Variants in UPP2 observed in about 807,000 individuals in gnomAD.
UPP2 encodes uridine phosphorylase 2, also known as UPase 2.
In UPP2, 23 loss-of-function variants were observed where a neutral mutation model predicts 26.7. The ratio of observed to expected loss-of-function variants is 0.86; its 90% confidence interval spans 0.62 to 1.22. The LOEUF is 1.22. Ranked by LOEUF, UPP2 falls within the 50% of genes most tolerant of loss-of-function variation. The pLI is 0.00. For missense variants in UPP2, 387 were observed against 396.7 expected, an observed-to-expected ratio of 0.98 and a Z score of 0.21; for synonymous variants, 127 against 141.3, an observed-to-expected ratio of 0.90 and a Z score of 0.72.
At chr2:158,099,264 T>C (rs747724891), upstream of UPP2, among the ~76,000 whole-genome samples, 1 of 152,154 alleles carries the variant, frequency 6.6e-6, no homozygotes, top group Non-Finnish European at 1.5e-5. Context: ...ATTGAATGAA[T>C]AAATGAAAAT....
At chr2:158,014,330 AC>A (rs909175174) in intron 2 of UPP2, among the ~76,000 whole-genome samples, 7 of 152,076 alleles carry the variant, frequency 4.6e-5, no homozygotes, top group African/African-American at 1.7e-4. Flanking sequence ...TCCTAGAACA[AC>A]CCCAGCTCGC....
intron 2 of UPP2, among the ~76,000 whole-genome samples, chr2:158,109,835 A>G (rs1365900838): frequency 2.0e-5 from 3 of 152,224 alleles, no homozygotes; most frequent in African/African-American, 7.2e-5. Flanking sequence ...TTCAAATTTA[A>G]TGGACATTTA....
chr2:158,032,862 G>A (rs1034253690), intron 3 of UPP2, among the ~76,000 whole-genome samples: 1 of 152,132 alleles, frequency 6.6e-6, no homozygotes, highest in Non-Finnish European at 1.5e-5. Context: ...GTTTCTTTGT[G>A]CAGGGACACA....
At chr2:158,069,256 C>G (rs529490121) in intron 3 of UPP2, among the ~76,000 whole-genome samples, 2 of 152,146 alleles carry the variant, frequency 1.3e-5, no homozygotes, top group African/African-American at 4.8e-5. Context: ...CCCATGAGAT[C>G]CAAAGTCATC....
intron 3 of UPP2, among the ~76,000 whole-genome samples, chr2:158,048,431 C>G (rs12474160): frequency 6.6e-6 from 1 of 152,138 alleles, no homozygotes; most frequent in African/African-American, 2.4e-5. Flanking sequence ...AATAGTGACA[C>G]CCCATCTCTA....
At chr2:158,029,878 T>G (rs1468756550) in intron 3 of UPP2, among the ~76,000 whole-genome samples, 5 of 152,084 alleles carry the variant, frequency 3.3e-5, no homozygotes, top group Admixed American at 1.3e-4. Flanking sequence ...TACAGTTTTA[T>G]AGAGAACATC....
At chr2:158,027,648 G>A (rs569794363) in intron 3 of UPP2, among the ~76,000 whole-genome samples, 28 of 152,218 alleles carry the variant, frequency 1.8e-4, no homozygotes, top group East Asian at 3.9e-4. Flanking sequence ...TCCACTAGAC[G>A]GTACCCCAGT....
At chr2:158,038,791 G>T (rs576462117) in intron 3 of UPP2, among the ~76,000 whole-genome samples, 1 of 152,300 alleles carries the variant, frequency 6.6e-6, no homozygotes, top group Admixed American at 6.5e-5. Flanking sequence ...TTTCTATAAA[G>T]ATGGCAGGGA....
At chr2:158,121,649 CAG>C (rs1347090831) in intron 5 of UPP2, 31 bp downstream of exon 5, 1 of 1,570,510 alleles carries the variant, frequency 6.4e-7, no homozygotes. Context: ...GTGAAGGAAA[CAG>C]AAAAATGCCA....
At chr2:158,048,478 C>T (rs1175192967) in intron 3 of UPP2, among the ~76,000 whole-genome samples, 1 of 152,182 alleles carries the variant, frequency 6.6e-6, no homozygotes, top group Non-Finnish European at 1.5e-5. Flanking sequence ...GTGCCATGCA[C>T]CTGTGGTCCC....
chr2:157,996,609 C>T (rs1683328026), intron 2 of UPP2, among the ~76,000 whole-genome samples: 1 of 152,258 alleles, frequency 6.6e-6, no homozygotes, highest in South Asian at 2.1e-4. Flanking sequence ...CTATGGCCTT[C>T]TAGAGCTTTC....
intron 6 of UPP2, among the ~76,000 whole-genome samples, chr2:158,127,469 A>T (rs979440147): frequency 6.6e-6 from 1 of 152,154 alleles, no homozygotes. Flanking sequence ...AATGAAAAAA[A>T]AAAGGGCCAC....
chr2:158,017,356 G>A (rs1683675636), intron 3 of UPP2, among the ~76,000 whole-genome samples: 1 of 152,068 alleles, frequency 6.6e-6, no homozygotes, highest in Non-Finnish European at 1.5e-5. Context: ...ACATATTTAA[G>A]CCATAAATTT....
chr2:158,106,315 G>A, intron 2 of UPP2, 99 bp downstream of exon 2: 1 of 951,716 alleles, frequency 1.1e-6, no homozygotes, highest in Admixed American at 2.7e-5. Flanking sequence ...GGCTAGCACA[G>A]TCCCAATAGG....
chr2:157,995,512 C>T (rs563315517), intron 2 of UPP2, among the ~76,000 whole-genome samples: 1 of 152,170 alleles, frequency 6.6e-6, no homozygotes, highest in Middle Eastern at 3.4e-3. Flanking sequence ...GAAAAACATG[C>T]TATGTGAACA....
chr2:158,072,641 G>GAGAC (rs34853147), intron 3 of UPP2, among the ~76,000 whole-genome samples: 3,585 of 150,144 alleles, frequency 0.024, 110 homozygotes, highest in African/African-American at 0.072. Flanking sequence ...CAGAGAGAAA[G>GAGAC]AGACAGACAG....
intron 1 of UPP2, among the ~76,000 whole-genome samples, chr2:158,102,551 C>G (rs1485202277): frequency 6.6e-6 from 1 of 152,136 alleles, no homozygotes; most frequent in Non-Finnish European, 1.5e-5. Context: ...GGAGTGATTT[C>G]ATATGCTTCA....
chr2:158,089,697 T>C (rs1235048568), intron 3 of UPP2, among the ~76,000 whole-genome samples: 1 of 152,228 alleles, frequency 6.6e-6, no homozygotes, highest in South Asian at 2.1e-4. Context: ...CTTCTACCCC[T>C]GTATTTCACT....
intron 3 of UPP2, among the ~76,000 whole-genome samples, chr2:158,084,863 T>G (rs1362055765): frequency 6.6e-6 from 1 of 152,214 alleles, no homozygotes; most frequent in Non-Finnish European, 1.5e-5. Flanking sequence ...ATGCCTATTT[T>G]TATACTAGTA....
Sources: allele counts gnomAD v4.1 joint callset (sites outside exome capture counted in the v4.1 genomes callset), GRCh38; gene constraint gnomAD v4.1.1; transcripts MANE v1.5; gene names NCBI Gene and HGNC (gene_info 2026-07-23, HGNC 2026-07-21).